The following DCLK1 variants were observed in gnomAD, a reference collection of about 807,000 sequenced individuals.
The protein encoded by DCLK1 is serine/threonine-protein kinase DCLK1.
In DCLK1, 16 loss-of-function variants were observed where a neutral mutation model predicts 86.2. That is an observed-to-expected ratio of 0.19 (90% CI 0.13 to 0.28). The LOEUF (loss-of-function observed/expected upper bound fraction) is 0.28. Among genes scored for constraint, DCLK1 ranks in the 10% least tolerant of loss-of-function variants. The pLI, the probability that DCLK1 is intolerant of heterozygous loss-of-function variation, is 1.00. For synonymous variants in DCLK1, 369 were observed against 370.5 expected (o/e 1.00, Z 0.05); for missense variants, 590 against 940.2 (o/e 0.63, Z 4.87).
intron 3 of DCLK1, among the ~76,000 whole-genome samples, chr13:36,014,545 A>C (rs545673735): frequency 6.6e-6 from 1 of 152,210 alleles, no homozygotes; most frequent in Non-Finnish European, 1.5e-5. Flanking sequence ...ATGAAAGCCC[A>C]ATCCTGATGA....
chr13:35,954,999 T>C (rs995060851), intron 3 of DCLK1, among the ~76,000 whole-genome samples: 1 of 152,124 alleles, frequency 6.6e-6, no homozygotes, highest in Non-Finnish European at 1.5e-5. Flanking sequence ...AATTATGGAA[T>C]TGAAAGTGTA....
At chr13:36,052,790 G>T (rs948687944) in intron 3 of DCLK1, among the ~76,000 whole-genome samples, 1 of 152,126 alleles carries the variant, frequency 6.6e-6, no homozygotes, top group East Asian at 1.9e-4. Context: ...GTAAATGAGT[G>T]CATATGCACA....
chr13:36,017,219 A>C (rs550439124), intron 3 of DCLK1, among the ~76,000 whole-genome samples: 1 of 152,340 alleles, frequency 6.6e-6, no homozygotes, highest in African/African-American at 2.4e-5. Flanking sequence ...TCGTATCTCC[A>C]AACTGCGGGA....
chr13:36,063,658 G>A (rs1883639496), intron 3 of DCLK1, among the ~76,000 whole-genome samples: 1 of 152,200 alleles, frequency 6.6e-6, no homozygotes, highest in African/African-American at 2.4e-5. Context: ...GAAATGGTCA[G>A]AATAGGAGAA....
chr13:35,861,083 C>G (rs1278987394), intron 5 of DCLK1, among the ~76,000 whole-genome samples: 1 of 152,170 alleles, frequency 6.6e-6, no homozygotes, highest in Non-Finnish European at 1.5e-5. Context: ...TGGCACACAA[C>G]AGGTGATGGC....
At chr13:35,966,737 C>G (rs935202066) in intron 3 of DCLK1, among the ~76,000 whole-genome samples, 6 of 152,050 alleles carry the variant, frequency 3.9e-5, no homozygotes, top group African/African-American at 1.2e-4. Context: ...AGCTCCTGAC[C>G]GCGAGTGATC....
At chr13:35,967,073 G>T (rs536212241) in intron 3 of DCLK1, among the ~76,000 whole-genome samples, 2 of 151,712 alleles carry the variant, frequency 1.3e-5, no homozygotes, top group East Asian at 3.9e-4. Flanking sequence ...GTCTCTGCCC[G>T]GCCGCCCATC....
intron 3 of DCLK1, among the ~76,000 whole-genome samples, chr13:36,034,709 A>G (rs972493518): frequency 1.3e-5 from 2 of 152,154 alleles, no homozygotes; most frequent in African/African-American, 4.8e-5. Flanking sequence ...GGGAAAATAA[A>G]AAGCTCTCAC....
chr13:35,847,505 T>A, intron 6 of DCLK1: 1 of 985,124 alleles, frequency 1.0e-6, no homozygotes, highest in Non-Finnish European at 1.2e-6. Context: ...TGGCCACATA[T>A]GAAAAATTTA....
chr13:35,991,253 C>T (rs1880205899), intron 3 of DCLK1, among the ~76,000 whole-genome samples: 1 of 152,160 alleles, frequency 6.6e-6, no homozygotes, highest in Admixed American at 6.5e-5. Flanking sequence ...TTAGATCAGA[C>T]CTTTATCCAA....
intron 3 of DCLK1, among the ~76,000 whole-genome samples, chr13:36,052,224 C>T (rs1883146672): frequency 6.6e-6 from 1 of 152,242 alleles, no homozygotes; most frequent in Admixed American, 6.5e-5. Context: ...GAGATGTTTC[C>T]TTTTATCTGG....
chr13:35,950,854 A>G (rs1877629006), intron 3 of DCLK1, among the ~76,000 whole-genome samples: 1 of 152,088 alleles, frequency 6.6e-6, no homozygotes, highest in African/African-American at 2.4e-5. Context: ...CACTACGGTC[A>G]GAGATTCTGC....
At chr13:36,051,482 A>C (rs560168066) in intron 3 of DCLK1, among the ~76,000 whole-genome samples, 1 of 152,190 alleles carries the variant, frequency 6.6e-6, no homozygotes, top group South Asian at 2.1e-4. Context: ...ACATAAGTAC[A>C]TTTGTCTTGC....
intron 3 of DCLK1, among the ~76,000 whole-genome samples, chr13:35,975,330 T>C (rs931109371): frequency 1.3e-5 from 2 of 151,892 alleles, no homozygotes; most frequent in Admixed American, 6.6e-5. Context: ...GAAAAGGGGG[T>C]CTGACCTGCA....
At chr13:35,862,032 C>CAAAAAA (rs36091477) in intron 5 of DCLK1, among the ~76,000 whole-genome samples, 35 of 71,096 alleles carry the variant, frequency 4.9e-4, no homozygotes, top group Middle Eastern at 0.012. Flanking sequence ...GACTCCGTCT[C>CAAAAAA]AAAAAAAAAA....
intron 10 of DCLK1, among the ~76,000 whole-genome samples, chr13:35,825,482 C>T (rs1322242966): frequency 2.0e-5 from 3 of 152,154 alleles, no homozygotes; most frequent in Non-Finnish European, 4.4e-5. Flanking sequence ...CCTAACCAAG[C>T]ACACGATTGA....
intron 4 of DCLK1, among the ~76,000 whole-genome samples, chr13:35,908,308 C>G (rs1392533263): frequency 6.6e-6 from 1 of 152,162 alleles, no homozygotes; most frequent in Admixed American, 6.6e-5. Flanking sequence ...CATCATTTCT[C>G]AATAGAAGAT....
intron 3 of DCLK1, among the ~76,000 whole-genome samples, chr13:35,977,921 T>C (rs1479484004): frequency 1.3e-5 from 2 of 151,932 alleles, no homozygotes; most frequent in African/African-American, 4.8e-5. Flanking sequence ...AGGACTAACG[T>C]TCTCTACACA....
At chr13:35,941,984 TTTTC>T (rs1877108680) in intron 4 of DCLK1, among the ~76,000 whole-genome samples, 2 of 151,952 alleles carry the variant, frequency 1.3e-5, no homozygotes, top group Non-Finnish European at 2.9e-5. Context: ...AGGCTGGCTT[TTTTC>T]TTTCTATCTT....
Sources: allele counts gnomAD v4.1 joint callset (sites outside exome capture counted in the v4.1 genomes callset), GRCh38; gene constraint gnomAD v4.1.1; transcripts MANE v1.5; gene names NCBI Gene and HGNC (gene_info 2026-07-23, HGNC 2026-07-21).